The following ZNF676 variants were observed in gnomAD, a reference collection of about 807,000 sequenced individuals.
The protein encoded by ZNF676 is zinc finger protein 676.
Under a neutral mutation model 6.0 loss-of-function variants are expected in ZNF676, and 4 were observed. The observed-to-expected ratio is 0.67, with a 90% CI of 0.33 to 1.53. ZNF676 has a LOEUF of 1.53. ZNF676 is among the 40% of genes most tolerant of loss of function. ZNF676 has a pLI of 0.06. For missense variants in ZNF676, 644 were observed against 679.7 expected (o/e 0.95, Z 0.58); for synonymous variants, 198 against 223.1 (o/e 0.89, Z 1.00).
the ZNF676 span, among the ~76,000 whole-genome samples, chr19:22,232,385 C>T: frequency 6.6e-6 from 1 of 152,118 alleles, no homozygotes; most frequent in African/African-American, 2.4e-5. Flanking sequence ...CCAGGATGGT[C>T]TTGATCTCTT....
intron 1 of ZNF676, among the ~76,000 whole-genome samples, chr19:22,210,431 T>C (rs1649046969): frequency 6.6e-6 from 1 of 152,152 alleles, no homozygotes; most frequent in Non-Finnish European, 1.5e-5. Context: ...AATTCAGTAA[T>C]CTGATACAGC....
At chr19:22,224,454 A>T in the ZNF676 span, among the ~76,000 whole-genome samples, 1 of 152,166 alleles carries the variant, frequency 6.6e-6, no homozygotes, top group Admixed American at 6.5e-5. Context: ...CTTATCTTGT[A>T]TATATTCTTT....
chr19:22,189,801 G>T (rs1045087626), intron 2 of ZNF676, among the ~76,000 whole-genome samples: 3 of 152,104 alleles, frequency 2.0e-5, no homozygotes, highest in African/African-American at 7.2e-5. Flanking sequence ...TTAGAGAAAT[G>T]TAAGTCAAAA....
In ZNF676 at chr19:22,196,850, A is replaced by G; in HGVS notation, c.-217T>C. 1 of 901,930 alleles carries G rather than the reference A, an allele frequency of 1.1e-6. No individual in the cohort carries two copies. The highest frequency in any genetic ancestry group is 1.7e-5 in the South Asian group (1 of 59,150). The allele number at this position is 901,930 out of a possible 1,614,324, so 55.9% of individuals were successfully genotyped here. A position where few individuals can be genotyped will look rare whatever the true frequency, so the allele number is the denominator to read the frequency against. On this transcript the variant is annotated 5_prime_UTR_variant, in exon 1 of 3. It removes the in-frame stop codon of an upstream open reading frame in the 5' UTR. Transcript: ENST00000397121. ...CTGACTTATATGAATGACTGAAATT[A>G]TTCAATAAAATAGTTTTCAACACAG...
chr19:22,190,065 T>C (rs2023882910), intron 2 of ZNF676, among the ~76,000 whole-genome samples: 1 of 152,146 alleles, frequency 6.6e-6, no homozygotes, highest in African/African-American at 2.4e-5. Context: ...TAAAGACACA[T>C]GCACATGTAT....
the ZNF676 span, among the ~76,000 whole-genome samples, chr19:22,250,785 A>C: frequency 0.97 from 147,690 of 151,830 alleles, 71,959 homozygotes; most frequent in East Asian, 1. Context: ...GATTTCAACT[A>C]ACTGCAACCT....
intron 1 of ZNF676, among the ~76,000 whole-genome samples, chr19:22,212,164 C>T (rs1245644972): frequency 4.1e-5 from 6 of 146,386 alleles, no homozygotes; most frequent in Non-Finnish European, 5.9e-5. Context: ...CCCACCACTG[C>T]ACTCCAGCCT....
the ZNF676 span, among the ~76,000 whole-genome samples, chr19:22,229,940 C>A: frequency 6.6e-6 from 1 of 152,144 alleles, no homozygotes; most frequent in Admixed American, 6.5e-5. Flanking sequence ...GACAATGTGA[C>A]AATTCCTCAA....
At chr19:22,184,637 A>G (rs1353422846) in intron 2 of ZNF676, among the ~76,000 whole-genome samples, 1 of 151,946 alleles carries the variant, frequency 6.6e-6, no homozygotes, top group Non-Finnish European at 1.5e-5. Flanking sequence ...TCTGGCTGCA[A>G]GCACAGCAGT....
chr19:22,201,731 CAAAAAAAAAAAAAA>C (rs35526921), upstream of ZNF676, among the ~76,000 whole-genome samples: 9 of 76,228 alleles, frequency 1.2e-4, no homozygotes, highest in South Asian at 1.2e-3. Context: ...TTTGTAAAGG[CAAAAAAAAAAAAAA>C]AAAAAAAAAA....
intron 1 of ZNF676, among the ~76,000 whole-genome samples, chr19:22,193,802 T>G (rs1599714040): frequency 6.6e-6 from 1 of 152,122 alleles, no homozygotes; most frequent in African/African-American, 2.4e-5. Context: ...ATCTTTTACA[T>G]GAGCACACTC....
chr19:22,224,993 T>C, the ZNF676 span, among the ~76,000 whole-genome samples: 2 of 151,682 alleles, frequency 1.3e-5, no homozygotes, highest in East Asian at 3.9e-4. Context: ...AGACCCTCTG[T>C]CAAAAAAAAA....
chr19:22,179,641 C>A lies in ZNF676; in HGVS notation c.*309G>T, dbSNP rs1357561826. ...TAGGGCTTTTCCTCCAGTATGAATTCTTTTATGAGTAGTAAGGTGTGAGGA... is the reference window on the plus strand; with the variant it reads ...TAGGGCTTTTCCTCCAGTATGAATTATTTTATGAGTAGTAAGGTGTGAGGA... On this transcript the variant is annotated 3_prime_UTR_variant, in exon 3 of 3. Coordinates refer to ENST00000397121, the MANE Select transcript of ZNF676 (RefSeq NM_001001411.3). 7.6e-6 allele frequency: 4 copies of A among 526,592 alleles called. No individual in the cohort carries two copies. The highest frequency in any genetic ancestry group is 3.9e-5 in the African/African-American group (2 of 51,580). The allele number at this position is 526,592 out of a possible 1,614,324, so 32.6% of individuals were successfully genotyped here.
chr19:22,198,325 C>A (rs1273973609), upstream of ZNF676, among the ~76,000 whole-genome samples: 1 of 151,976 alleles, frequency 6.6e-6, no homozygotes, highest in Admixed American at 6.6e-5. Context: ...AGAGAAAGCT[C>A]TGGTATATAG....
At chr19:22,212,550 CAA>C (rs1000923033) in intron 1 of ZNF676, among the ~76,000 whole-genome samples, 73 of 151,682 alleles carry the variant, frequency 4.8e-4, no homozygotes, top group African/African-American at 1.8e-3. Flanking sequence ...ACTAAAAATA[CAA>C]AAAGTAGCCA....
At chr19:22,256,231 C>T in the ZNF676 span, among the ~76,000 whole-genome samples, 1 of 152,236 alleles carries the variant, frequency 6.6e-6, no homozygotes. Flanking sequence ...CATCATCTCA[C>T]CTGTGAGATG....
chr19:22,182,604 C>CA (rs2023774682), intron 2 of ZNF676, among the ~76,000 whole-genome samples: 36 of 44,666 alleles, frequency 8.1e-4, no homozygotes, highest in South Asian at 4.2e-3. Flanking sequence ...AAAAAAAAAG[C>CA]AAACAAAAAA....
At chr19:22,217,587 C>T (rs1354850166), upstream of ZNF676, among the ~76,000 whole-genome samples, 1 of 134,392 alleles carries the variant, frequency 7.4e-6, no homozygotes, top group African/African-American at 2.9e-5. Flanking sequence ...GTTTGTATCC[C>T]CTAGTTCTTT....
chr19:22,234,373 T>C, the ZNF676 span, among the ~76,000 whole-genome samples: 2 of 152,300 alleles, frequency 1.3e-5, no homozygotes, highest in African/African-American at 2.4e-5. Flanking sequence ...CACTTCCTCA[T>C]GTAACTTACT....
Sources: gnomAD v4.1 joint callset for allele counts (sites outside exome capture counted in the v4.1 genomes callset) on GRCh38, gnomAD v4.1.1 for gene constraint, MANE v1.5 for transcripts, NCBI Gene and HGNC (gene_info 2026-07-23, HGNC 2026-07-21) for gene names.